Variants in PALLD observed in about 807,000 individuals in gnomAD.
PALLD encodes palladin.
In PALLD, 61 loss-of-function variants were observed where a neutral mutation model predicts 123.5. The observed-to-expected ratio is 0.49, with a 90% CI of 0.40 to 0.61. PALLD has a LOEUF of 0.61. Ranked by LOEUF, PALLD falls within the 20% of genes least tolerant of loss-of-function variation. The probability of loss-of-function intolerance (pLI) is 0.00; values close to 1 mark genes in which losing one functional copy is unlikely to be tolerated. For synonymous variants in PALLD, 465 were observed against 496.4 expected (o/e 0.94, Z 0.84); for missense variants, 1,273 against 1,377.0 (o/e 0.92, Z 1.20).
intron 3 of PALLD, among the ~76,000 whole-genome samples, chr4:168,679,863 C>T (rs188381675): frequency 2.0e-5 from 3 of 152,040 alleles, no homozygotes; most frequent in Non-Finnish European, 4.4e-5. Context: ...GATGGGAAGA[C>T]AAGAATGGAT....
chr4:168,876,507 AGT>A (rs1751770311), intron 10 of PALLD, among the ~76,000 whole-genome samples: 1 of 152,236 alleles, frequency 6.6e-6, no homozygotes, highest in African/African-American at 2.4e-5. Context: ...TTCCCAAGAA[AGT>A]GTGTCTTTGT....
At chr4:168,700,581 C>A (rs925104304) in intron 8 of PALLD, 1 of 152,140 alleles carries the variant, frequency 6.6e-6, no homozygotes, top group Non-Finnish European at 1.5e-5. Context: ...TTCATGCATG[C>A]ATTTATTTAA....
chr4:168,660,933 C>G (rs1779071921), intron 2 of PALLD, among the ~76,000 whole-genome samples: 1 of 150,274 alleles, frequency 6.7e-6, no homozygotes, highest in Non-Finnish European at 1.5e-5. Flanking sequence ...GAGACAGAGT[C>G]TCGCTCTGTC....
chr4:168,755,882 C>G (rs1055974063), intron 10 of PALLD: 1 of 177,630 alleles, frequency 5.6e-6, no homozygotes, highest in Admixed American at 6.4e-5. Context: ...TCTGAAGGGG[C>G]ACAGTTCTTG....
intron 10 of PALLD, among the ~76,000 whole-genome samples, chr4:168,807,348 C>G (rs923868607): frequency 1.3e-5 from 2 of 151,980 alleles, no homozygotes. Context: ...CTTCCTGATT[C>G]CTGACTGTAT....
At chr4:168,774,315 T>A (rs1734861136) in intron 10 of PALLD, among the ~76,000 whole-genome samples, 1 of 152,174 alleles carries the variant, frequency 6.6e-6, no homozygotes, top group Non-Finnish European at 1.5e-5. Context: ...TCATTGCAGA[T>A]AATTTTTAAC....
chr4:168,506,487 C>T (rs1480828724), intron 1 of PALLD, among the ~76,000 whole-genome samples: 1 of 152,096 alleles, frequency 6.6e-6, no homozygotes, highest in East Asian at 1.9e-4. Flanking sequence ...AGCTGAACAC[C>T]TCATACTCCG....
chr4:168,687,931 A>C (rs940239625), intron 6 of PALLD, among the ~76,000 whole-genome samples: 1 of 152,064 alleles, frequency 6.6e-6, no homozygotes, highest in African/African-American at 2.4e-5. Context: ...GAAAGCTCAG[A>C]GCCACTAGAA....
chr4:168,743,712 T>C (rs1788587845), intron 10 of PALLD, among the ~76,000 whole-genome samples: 1 of 152,142 alleles, frequency 6.6e-6, no homozygotes, highest in South Asian at 2.1e-4. Flanking sequence ...GATGTCCTTG[T>C]TTATTTTCTG....
rs2149428283 is a variant in PALLD at position 168,511,962 on chromosome 4, A to G, written c.458A>G (p.Lys153Arg). The G allele has an allele frequency of 6.2e-7, 1 of 1,614,226 alleles. No homozygotes were observed. Among genetic ancestry groups the G allele is most frequent in the African/African-American group, 1.3e-5 (1 of 75,052 alleles). Residue 153 changes from lysine to arginine, a missense_variant, in exon 2 of 22, where the codon AAG (lysine) becomes AGG (arginine). By Grantham distance (26) the Lys-to-Arg change is conservative. Coordinates refer to ENST00000505667, the MANE Select transcript of PALLD (RefSeq NM_001166108.2). The stretch of plus-strand genomic sequence containing the variant: ...GCAAAAACTCCCAGCACAAACGTAA[A>G]GCCCAAAACGCCACATCAAAGAAAG... Reference protein sequence around the residue: ...RGAKTPSTNVKPKTPHQRKGG... With the variant: ...RGAKTPSTNVRPKTPHQRKGG...
At chr4:168,679,025 TGTG>T (rs1726232757) in intron 3 of PALLD, among the ~76,000 whole-genome samples, 1 of 138,526 alleles carries the variant, frequency 7.2e-6, no homozygotes, top group East Asian at 2.2e-4. Context: ...GGGTATAGTG[TGTG>T]GTGTGTGTGT....
At chr4:168,717,996 C>T (rs537859585) in intron 10 of PALLD, among the ~76,000 whole-genome samples, 1 of 152,328 alleles carries the variant, frequency 6.6e-6, no homozygotes, top group South Asian at 2.1e-4. Context: ...ACAGTGCAAT[C>T]ACACTGCTAT....
Position 168,511,819 on chromosome 4 carries a change from G to T in PALLD, c.315G>T (p.Leu105=). The T allele has an allele frequency of 6.2e-7, 1 of 1,614,172 alleles. No homozygotes were observed. The highest frequency in any genetic ancestry group is 8.5e-7 in the Non-Finnish European group (1 of 1,180,030). Residue 105 remains leucine (L), a synonymous_variant, in exon 2 of 22, where the codon CTG becomes CTT. Coordinates refer to ENST00000505667, the MANE Select transcript of PALLD (RefSeq NM_001166108.2). ...ACAGGTCAACACCTGTCCAGCCTCT[G>T]GCAGAGAAACAAACTAAGAGTATCT... The part of the protein sequence containing the change: ...QDNRSTPVQP[L]AEKQTKSISS...
At chr4:168,617,911 C>T (rs572571944) in intron 2 of PALLD, among the ~76,000 whole-genome samples, 12 of 152,274 alleles carry the variant, frequency 7.9e-5, no homozygotes, top group Non-Finnish European at 1.5e-4. Flanking sequence ...ACCTGATTTT[C>T]TTCCACCTTG....
chr4:168,581,663 C>T (rs1339976140), intron 2 of PALLD, among the ~76,000 whole-genome samples: 1 of 152,036 alleles, frequency 6.6e-6, no homozygotes, highest in East Asian at 1.9e-4. Flanking sequence ...CGGATATTAA[C>T]TCCTTACCAG....
intron 2 of PALLD, among the ~76,000 whole-genome samples, chr4:168,639,682 T>G (rs752055374): frequency 1.8e-4 from 28 of 152,060 alleles, no homozygotes; most frequent in Non-Finnish European, 2.9e-5. Context: ...TAGCTGGGAC[T>G]ACAGGCACCC....
chr4:168,761,700 C>T lies in PALLD; in HGVS notation c.1964+49777C>T, dbSNP rs114381986. On this transcript the variant is annotated intron_variant, in intron 10 of 21. Coordinates refer to ENST00000505667, the MANE Select transcript of PALLD (RefSeq NM_001166108.2). Reference sequence around the variant, plus strand: ...TTGTAGTTTTTTGTTTTGGTAGAGACGGGGTTTCACCATGTTTCCGCGGCT... The same window carrying T: ...TTGTAGTTTTTTGTTTTGGTAGAGATGGGGTTTCACCATGTTTCCGCGGCT... Among the ~76,000 whole-genome samples, 472 of 102,512 alleles carry T rather than the reference C, an allele frequency of 4.6e-3. 3 individuals are homozygous for T. Among genetic ancestry groups the T allele is most frequent in the African/African-American group, 0.016 (445 of 27,688 alleles). 67.3% of individuals were successfully genotyped at this position (102,512 alleles called of 152,430 possible). A position where few individuals can be genotyped will look rare whatever the true frequency, so the allele number is the denominator to read the frequency against.
chr4:168,780,976 C>T (rs1441359721), intron 10 of PALLD, among the ~76,000 whole-genome samples: 1 of 152,208 alleles, frequency 6.6e-6, no homozygotes, highest in Non-Finnish European at 1.5e-5. Context: ...GCATGAGCCA[C>T]TGCACCCGGC....
At chr4:168,564,278 C>T (rs1208459671) in intron 2 of PALLD, among the ~76,000 whole-genome samples, 8 of 152,178 alleles carry the variant, frequency 5.3e-5, no homozygotes, top group South Asian at 2.1e-4. Context: ...GATAAGGTCA[C>T]GTAGACTCCA....
Sources: allele counts gnomAD v4.1 joint callset (sites outside exome capture counted in the v4.1 genomes callset), GRCh38; gene constraint gnomAD v4.1.1; transcripts MANE v1.5; gene names NCBI Gene and HGNC (gene_info 2026-07-23, HGNC 2026-07-21).